The following TATDN2 variants were observed in gnomAD, a reference collection of about 807,000 sequenced individuals.
TATDN2 encodes TatD DNase domain containing 2.
TATDN2 carries 44 observed loss-of-function variants against 60.3 expected under a neutral mutation model. The ratio of observed to expected loss-of-function variants is 0.73; its 90% confidence interval spans 0.57 to 0.94. The LOEUF (loss-of-function observed/expected upper bound fraction) is 0.94, where lower values mean the gene tolerates loss of function less well. Among genes scored for constraint, TATDN2 ranks in the 40% least tolerant of loss-of-function variants. TATDN2 has a pLI of 0.00. For synonymous variants in TATDN2, 399 were observed against 355.8 expected, an observed-to-expected ratio of 1.12 and a Z score of -1.37; for missense variants, 997 against 948.0, an observed-to-expected ratio of 1.05 and a Z score of -0.68.
At chr3:10,252,982 C>T (rs1187849940) in intron 2 of TATDN2, among the ~76,000 whole-genome samples, 2 of 151,948 alleles carry the variant, frequency 1.3e-5, no homozygotes, top group African/African-American at 2.4e-5. Flanking sequence ...TCAGCCTCCC[C>T]AGCAGCTGGG....
chr3:10,261,447 T>C (rs1034526397), intron 3 of TATDN2, among the ~76,000 whole-genome samples: 35 of 151,750 alleles, frequency 2.3e-4, no homozygotes, highest in Non-Finnish European at 7.4e-5. Context: ...CTTGGCTCAC[T>C]GCAACCTCCA....
chr3:10,278,748 C>T lies in TATDN2; in HGVS notation c.2146-137C>T. Reference sequence around the variant, plus strand: ...CAGAGCCCCCATGACTAGGACTCTCCCTGCACCTGCAGGTAAAGGGGTCTC... The same window carrying T: ...CAGAGCCCCCATGACTAGGACTCTCTCTGCACCTGCAGGTAAAGGGGTCTC... On this transcript the variant is annotated intron_variant, in intron 6 of 7. Coordinates refer to ENST00000448281, the MANE Select transcript of TATDN2 (RefSeq NM_014760.4). This position sits in a 1 kb window ranked among gnomAD's most constrained non-coding sequence, Gnocchi z 4.7. 7.4e-7 allele frequency: 1 copy of T among 1,351,834 alleles called. No individual in the cohort carries two copies. Among genetic ancestry groups the T allele is most frequent in the Non-Finnish European group, 1.0e-6 (1 of 971,320 alleles). The allele number at this position is 1,351,834 out of a possible 1,614,324, so 83.7% of individuals were successfully genotyped here.
At chr3:10,277,519 A>AT (rs1181846108) in intron 5 of TATDN2, among the ~76,000 whole-genome samples, 1 of 152,202 alleles carries the variant, frequency 6.6e-6, no homozygotes, top group East Asian at 1.9e-4. Context: ...GGTTGGCTGA[A>AT]TAACAAGGAC....
chr3:10,251,744 A>T (rs2544009), intron 2 of TATDN2, among the ~76,000 whole-genome samples: 1 of 151,986 alleles, frequency 6.6e-6, no homozygotes, highest in African/African-American at 2.4e-5. Flanking sequence ...TCCCAGGCTG[A>T]AGTGCAGTGG....
Position 10,279,889 on chromosome 3 carries a change from C to T in TATDN2, c.*707C>T, listed in dbSNP as rs772034329. On this transcript the variant is annotated 3_prime_UTR_variant, in exon 8 of 8. Coordinates refer to ENST00000448281, the MANE Select transcript of TATDN2 (RefSeq NM_014760.4). ...AGATCCAGGACAGACTGGGGGACTCCGGGAAGAGGCTTTCTTGGGGAAGAG... is the reference window on the plus strand; with the variant it reads ...AGATCCAGGACAGACTGGGGGACTCTGGGAAGAGGCTTTCTTGGGGAAGAG... 28 of 153,548 alleles carry T rather than the reference C, an allele frequency of 1.8e-4. No individual in the cohort carries two copies. Among genetic ancestry groups the T allele is most frequent in the Non-Finnish European group, 2.9e-4 (20 of 68,100 alleles). 9.5% of individuals were successfully genotyped at this position (153,548 alleles called of 1,614,324 possible).
At chr3:10,250,916 G>T (rs768171687) in intron 2 of TATDN2, among the ~76,000 whole-genome samples, 1 of 152,166 alleles carries the variant, frequency 6.6e-6, no homozygotes, top group Admixed American at 6.5e-5. Flanking sequence ...CTGACAATTT[G>T]TAGATAGAGT....
intron 5 of TATDN2, among the ~76,000 whole-genome samples, chr3:10,277,805 T>C (rs1698660493): frequency 6.6e-6 from 1 of 152,184 alleles, no homozygotes; most frequent in African/African-American, 2.4e-5. Flanking sequence ...TACAGATTGG[T>C]AACTATATAT....
chr3:10,270,328 C>T lies in TATDN2; in HGVS notation c.1146C>T (p.Tyr382=), dbSNP rs751626211. The change falls in exon 4 of 8, where the codon TAC becomes TAT. Residue 382 remains tyrosine, a synonymous_variant. Transcript: ENST00000448281. The part of the protein sequence containing the change: ...PHLYSSPWCD[Y]ASYWTSSPKP... ...TGTACAGTAGTCCTTGGTGTGACTA[C>T]GCCAGCTATTGGACCAGCAGCCCCA... The T allele has an allele frequency of 7.4e-6, 12 of 1,614,192 alleles. No homozygotes were observed. The highest frequency in any genetic ancestry group is 5.3e-5 in the African/African-American group (4 of 75,036).
intron 2 of TATDN2, among the ~76,000 whole-genome samples, chr3:10,253,998 G>C (rs419211): frequency 6.6e-6 from 1 of 152,032 alleles, no homozygotes; most frequent in Non-Finnish European, 1.5e-5. Flanking sequence ...GAAGGTGCCA[G>C]GGTCCCTCCC....
intron 2 of TATDN2, among the ~76,000 whole-genome samples, chr3:10,255,540 A>G (rs564821436): frequency 6.6e-6 from 1 of 151,752 alleles, no homozygotes; most frequent in Non-Finnish European, 1.5e-5. Flanking sequence ...CCCCAACTCC[A>G]GTCTTGGTCT....
intron 2 of TATDN2, 103 bp from the exon 3 acceptor site, chr3:10,260,034 C>G: frequency 7.4e-7 from 1 of 1,355,976 alleles, no homozygotes; most frequent in Non-Finnish European, 1.0e-6. Flanking sequence ...CAGTCACTTT[C>G]CCTTTGACTG....
Position 10,279,311 on chromosome 3 carries a change from A to C in TATDN2, c.*129A>C. On this transcript the variant is annotated 3_prime_UTR_variant, in exon 8 of 8. Transcript: ENST00000448281. The stretch of plus-strand genomic sequence containing the variant: ...TAGAGAGCTGATTGGAACACAGAAA[A>C]CCAGGACAGGATGTTTTCCTCCAAG... 4.5e-5 allele frequency: 9 copies of C among 201,856 alleles called. No individual in the cohort carries two copies. Among genetic ancestry groups the C allele is most frequent in the South Asian group, 1.3e-4 (2 of 15,716 alleles). 12.5% of individuals were successfully genotyped at this position (201,856 alleles called of 1,614,324 possible). A position where few individuals can be genotyped will look rare whatever the true frequency, so the allele number is the denominator to read the frequency against.
intron 2 of TATDN2, among the ~76,000 whole-genome samples, chr3:10,252,164 A>T (rs966328897): frequency 2.7e-5 from 4 of 150,542 alleles, no homozygotes; most frequent in African/African-American, 9.8e-5. Flanking sequence ...AAAAAAAAAA[A>T]AAAATTTTTT....
chr3:10,270,490 C>T lies in TATDN2; in HGVS notation c.1308C>T (p.Ala436=). ...AAAACACCTCCAGAGACATGGAGGC[C>T]TCAGAGGAAGGCTGGTCCCAGAATT... ...SVQNTSRDME[A]SEEGWSQNSR... is the part of the protein sequence containing the mutation. Residue 436 remains alanine (A), a synonymous_variant, in exon 4 of 8, where the codon GCC becomes GCT. Coordinates refer to ENST00000448281, the MANE Select transcript of TATDN2 (RefSeq NM_014760.4). 1 of 1,614,204 alleles carries T rather than the reference C, an allele frequency of 6.2e-7. No homozygotes were observed. Among genetic ancestry groups the T allele is most frequent in the African/African-American group, 1.3e-5 (1 of 75,040 alleles).
chr3:10,258,690 G>C (rs934459627), intron 2 of TATDN2, among the ~76,000 whole-genome samples: 1 of 151,932 alleles, frequency 6.6e-6, no homozygotes, highest in East Asian at 1.9e-4. Flanking sequence ...GGCTGGTCTC[G>C]AACTCCTGAT....
chr3:10,259,390 T>G (rs1478590909), intron 2 of TATDN2, among the ~76,000 whole-genome samples: 2 of 152,240 alleles, frequency 1.3e-5, no homozygotes, highest in African/African-American at 4.8e-5. Context: ...GGAGGACATT[T>G]GTGGAGAGTT....
intron 3 of TATDN2, among the ~76,000 whole-genome samples, chr3:10,262,978 G>A (rs181963112): frequency 3.9e-5 from 6 of 152,054 alleles, no homozygotes; most frequent in Non-Finnish European, 7.4e-5. Context: ...TCAGCTCACT[G>A]CAATCTTCAC....
intron 3 of TATDN2, among the ~76,000 whole-genome samples, chr3:10,267,394 T>C (rs569044921): frequency 1.2e-4 from 18 of 152,336 alleles, no homozygotes; most frequent in African/African-American, 4.1e-4. Context: ...ATGTGCATTT[T>C]TGAAACTGCT....
At chr3:10,252,610 C>T (rs1448768479) in intron 2 of TATDN2, among the ~76,000 whole-genome samples, 2 of 152,020 alleles carry the variant, frequency 1.3e-5, no homozygotes, top group Admixed American at 6.6e-5. Flanking sequence ...CAAGCACAGC[C>T]GAGGGGTACT....
Sources: gnomAD v4.1 joint callset for allele counts (sites outside exome capture counted in the v4.1 genomes callset) on GRCh38, gnomAD v4.1.1 for gene constraint, Gnocchi (gnomAD v3.1) non-coding constraint, MANE v1.5 for transcripts, NCBI Gene and HGNC (gene_info 2026-07-23, HGNC 2026-07-21) for gene names.